Variants in ITGBL1 observed in about 807,000 individuals in gnomAD.
ITGBL1 encodes integrin beta-like protein 1.
In ITGBL1, 51 loss-of-function variants were observed where a neutral mutation model predicts 68.5. The observed-to-expected ratio is 0.74, with a 90% CI of 0.59 to 0.94. The LOEUF is 0.94. ITGBL1 is among the 40% of genes least tolerant of loss of function. ITGBL1 has a pLI of 0.00. For missense variants in ITGBL1, 649 were observed against 647.4 expected, an observed-to-expected ratio of 1.00 and a Z score of -0.03; for synonymous variants, 209 against 227.3, an observed-to-expected ratio of 0.92 and a Z score of 0.72.
chr13:101,545,454 A>G (rs1273635607), intron 2 of ITGBL1, among the ~76,000 whole-genome samples: 2 of 152,162 alleles, frequency 1.3e-5, no homozygotes, highest in Non-Finnish European at 2.9e-5. Flanking sequence ...TCCAACATAA[A>G]CAAAATTGGT....
At chr13:101,710,953 G>A (rs1332210738) in intron 9 of ITGBL1, 1 of 152,246 alleles carries the variant, frequency 6.6e-6, no homozygotes, top group African/African-American at 2.4e-5. Context: ...CTGCTGGGAT[G>A]TCAGGTTGCA....
At chr13:101,691,594 A>G (rs1204152665) in intron 7 of ITGBL1, among the ~76,000 whole-genome samples, 4 of 152,190 alleles carry the variant, frequency 2.6e-5, no homozygotes, top group Admixed American at 6.5e-5. Flanking sequence ...GAGCACTGTC[A>G]CCCAAGCAAA....
intron 2 of ITGBL1, among the ~76,000 whole-genome samples, chr13:101,513,833 TA>T (rs1239627786): frequency 6.6e-6 from 1 of 152,134 alleles, no homozygotes; most frequent in East Asian, 1.9e-4. Flanking sequence ...ATTCTAGATT[TA>T]AGTGATCTTG....
intron 8 of ITGBL1, among the ~76,000 whole-genome samples, chr13:101,705,661 C>T (rs1004706706): frequency 1.3e-5 from 2 of 151,750 alleles, no homozygotes; most frequent in Non-Finnish European, 2.9e-5. Flanking sequence ...AACCATTAAG[C>T]ATTGGTTACT....
intron 9 of ITGBL1, among the ~76,000 whole-genome samples, chr13:101,707,606 A>C (rs1346706444): frequency 1.3e-5 from 2 of 152,062 alleles, no homozygotes; most frequent in East Asian, 3.9e-4. Flanking sequence ...TTGGGAGGCC[A>C]AGGCGGGTGG....
intron 7 of ITGBL1, among the ~76,000 whole-genome samples, chr13:101,662,461 A>T (rs747400152): frequency 6.6e-6 from 1 of 152,170 alleles, no homozygotes; most frequent in South Asian, 2.1e-4. Context: ...TCAGGGAGAC[A>T]TGAGGGCTTG....
chr13:101,463,998 C>A (rs182976333), intron 2 of ITGBL1, among the ~76,000 whole-genome samples: 31 of 151,346 alleles, frequency 2.0e-4, no homozygotes, highest in Admixed American at 1.4e-3. Context: ...AACCTCCACC[C>A]CCCGGATTCA....
intron 9 of ITGBL1, among the ~76,000 whole-genome samples, chr13:101,707,363 G>A (rs2034284781): frequency 3.3e-5 from 5 of 152,080 alleles, no homozygotes; most frequent in Admixed American, 2.0e-4. Context: ...TGTGGAGCAG[G>A]GGAAGATTGA....
At position 101,593,130 on chromosome 13, in the gene ITGBL1, T is replaced by C. The variant is rs116848415; in HGVS notation, c.869-5023T>C. Reference sequence around the variant, plus strand: ...TATTGCTCAAAAGAAGACATTCAGATGTCCAACAGGTATATGAAGATATGA... The same window carrying C: ...TATTGCTCAAAAGAAGACATTCAGACGTCCAACAGGTATATGAAGATATGA... On this transcript the variant is annotated intron_variant, in intron 6 of 10. Coordinates refer to ENST00000376180, the MANE Select transcript of ITGBL1 (RefSeq NM_004791.3). Among the ~76,000 whole-genome samples, 1,317 of 152,162 alleles carry C rather than the reference T, an allele frequency of 8.7e-3. 4 individuals carry two copies. The highest frequency in any genetic ancestry group is 0.024 in the Middle Eastern group (7 of 294).
intron 6 of ITGBL1, among the ~76,000 whole-genome samples, chr13:101,583,749 G>A (rs745952630): frequency 1.3e-5 from 2 of 152,178 alleles, no homozygotes; most frequent in Non-Finnish European, 2.9e-5. Context: ...CACATACCCT[G>A]TAAAAGAAAC....
At chr13:101,583,121 C>G in intron 5 of ITGBL1, 95 bp from the exon 6 acceptor site, 1 of 1,292,458 alleles carries the variant, frequency 7.7e-7, no homozygotes, top group East Asian at 2.3e-5. Context: ...TTTTTTCAAA[C>G]ACAAAGTAAA....
intron 2 of ITGBL1, among the ~76,000 whole-genome samples, chr13:101,470,551 T>C (rs569409180): frequency 2.0e-5 from 3 of 152,152 alleles, no homozygotes; most frequent in Non-Finnish European, 4.4e-5. Flanking sequence ...TGTGTGCATC[T>C]CAACATTTAC....
chr13:101,560,858 T>A (rs746330535), intron 2 of ITGBL1, among the ~76,000 whole-genome samples: 32 of 152,196 alleles, frequency 2.1e-4, no homozygotes, highest in Non-Finnish European at 4.4e-4. Context: ...GGAGCTATAG[T>A]TATTCTTTAC....
At chr13:101,635,586 G>C (rs1370307023) in intron 7 of ITGBL1, among the ~76,000 whole-genome samples, 1 of 152,020 alleles carries the variant, frequency 6.6e-6, no homozygotes. Flanking sequence ...ATTTCAATGA[G>C]TGCTATTGTT....
At chr13:101,455,424 T>C (rs560440222) in intron 2 of ITGBL1, among the ~76,000 whole-genome samples, 2 of 152,270 alleles carry the variant, frequency 1.3e-5, no homozygotes, top group African/African-American at 4.8e-5. Flanking sequence ...CCCAGCACTT[T>C]GGGAGGCCGA....
chr13:101,692,559 G>C (rs1177178160), intron 7 of ITGBL1, 26 bp from the exon 8 acceptor site: 2 of 1,482,228 alleles, frequency 1.3e-6, no homozygotes, highest in South Asian at 2.3e-5. Flanking sequence ...CTCCTCATAA[G>C]TGTGCACTTT....
chr13:101,565,136 A>T (rs767475848), intron 2 of ITGBL1, among the ~76,000 whole-genome samples: 2 of 152,044 alleles, frequency 1.3e-5, no homozygotes, highest in Non-Finnish European at 2.9e-5. Flanking sequence ...GTGCTTTGTT[A>T]TGGAAGATTC....
intron 2 of ITGBL1, among the ~76,000 whole-genome samples, chr13:101,558,083 C>CAAAAAAAAAAAAAA (rs568103738): frequency 8.4e-5 from 6 of 71,688 alleles, no homozygotes; most frequent in African/African-American, 4.1e-4. Flanking sequence ...AACTCCGTCT[C>CAAAAAAAAAAAAAA]AAAAAAAAAA....
intron 6 of ITGBL1, among the ~76,000 whole-genome samples, chr13:101,586,461 A>G (rs761827210): frequency 6.6e-6 from 1 of 152,210 alleles, no homozygotes; most frequent in South Asian, 2.1e-4. Context: ...ACTCTACTCT[A>G]TTGGACCCTT....
Sources: allele counts gnomAD v4.1 joint callset (sites outside exome capture counted in the v4.1 genomes callset), GRCh38; gene constraint gnomAD v4.1.1; transcripts MANE v1.5; gene names NCBI Gene and HGNC (gene_info 2026-07-23, HGNC 2026-07-21).